HERC2: variants seen among roughly 807,000 people sequenced by gnomAD.
HERC2 encodes E3 ubiquitin-protein ligase HERC2.
In HERC2, 102 loss-of-function variants were observed where a neutral mutation model predicts 537.7. The observed-to-expected ratio is 0.19, with a 90% CI of 0.16 to 0.22. The LOEUF (loss-of-function observed/expected upper bound fraction) is 0.22, where lower values mean the gene tolerates loss of function less well. HERC2 is among the 10% of genes least tolerant of loss of function. HERC2 has a pLI of 1.00. For missense variants in HERC2, 4,236 were observed against 6,198.2 expected (o/e 0.68, Z 10.63); for synonymous variants, 2,224 against 2,466.2 (o/e 0.90, Z 2.91).
At chr15:28,161,717 GA>G (rs377493236) in intron 69 of HERC2, among the ~76,000 whole-genome samples, 28 of 152,272 alleles carry the variant, frequency 1.8e-4, no homozygotes, top group African/African-American at 6.3e-4. Flanking sequence ...CTCCGGTCCA[GA>G]ACATTTCCAC....
At chr15:28,257,352 C>T in intron 16 of HERC2, 91 bp from the exon 17 acceptor site, 1 of 1,040,260 alleles carries the variant, frequency 9.6e-7, no homozygotes, top group Non-Finnish European at 1.4e-6. Flanking sequence ...ATGGAGCTGC[C>T]TTATACTATT....
intron 2 of HERC2, among the ~76,000 whole-genome samples, chr15:28,319,056 C>T (rs1362588404): frequency 3.3e-5 from 5 of 151,356 alleles, no homozygotes; most frequent in African/African-American, 1.2e-4. Flanking sequence ...GAGCACAAGG[C>T]TTCCATCTGC....
intron 2 of HERC2, among the ~76,000 whole-genome samples, chr15:28,304,399 G>A (rs185221652): frequency 1.5e-5 from 2 of 135,554 alleles, no homozygotes; most frequent in Non-Finnish European, 3.1e-5. Flanking sequence ...ATGGAGTCTT[G>A]CTCTGTAGCC....
At chr15:28,298,064 ATAAAT>A (rs2076518187) in intron 3 of HERC2, among the ~76,000 whole-genome samples, 1 of 151,378 alleles carries the variant, frequency 6.6e-6, no homozygotes, top group African/African-American at 2.4e-5. Context: ...AATATAAAAA[ATAAAT>A]TAAAATAAAA....
chr15:28,183,404 G>T (rs1030895357), intron 56 of HERC2, among the ~76,000 whole-genome samples: 1 of 152,016 alleles, frequency 6.6e-6, no homozygotes, highest in Non-Finnish European at 1.5e-5. Flanking sequence ...GTAGAGACGG[G>T]GTCTCACTAT....
chr15:28,231,414 T>G (rs1901828675), intron 30 of HERC2, among the ~76,000 whole-genome samples: 1 of 152,106 alleles, frequency 6.6e-6, no homozygotes, highest in Non-Finnish European at 1.5e-5. Flanking sequence ...TGATGGGACT[T>G]GCGAGGGACC....
chr15:28,200,022 T>C (rs1363367641), intron 48 of HERC2, among the ~76,000 whole-genome samples: 2 of 152,110 alleles, frequency 1.3e-5, no homozygotes, highest in Non-Finnish European at 2.9e-5. Context: ...TATTAGGAGA[T>C]GGGGCCTCTA....
At position 28,209,979 on chromosome 15, in the gene HERC2, C is replaced by T. The variant is rs1168479558; in HGVS notation, c.7069+1023G>A. ...TTTTTTTTTTTTTGAGACAAAGTCTCACTCTGTCGCCCAGGCTGGAGTGCA... is the reference window on the plus strand; with the variant it reads ...TTTTTTTTTTTTTGAGACAAAGTCTTACTCTGTCGCCCAGGCTGGAGTGCA... On this transcript the variant is annotated intron_variant, in intron 44 of 92. Coordinates refer to ENST00000261609, the MANE Select transcript of HERC2 (RefSeq NM_004667.6). Among the ~76,000 whole-genome samples, 7 of 103,916 alleles carry T rather than the reference C, an allele frequency of 6.7e-5. No homozygotes were observed. The East Asian group carries it at 2.2e-3, about 32-fold the overall frequency. 68.2% of individuals were successfully genotyped at this position (103,916 alleles called of 152,430 possible). A position where few individuals can be genotyped will look rare whatever the true frequency, so the allele number is the denominator to read the frequency against.
rs1418156676 is a variant in HERC2 at position 28,225,566 on chromosome 15, C to T, written c.5464+2652G>A. 4.6e-5 allele frequency among the ~76,000 whole-genome samples: 7 copies of T among 151,688 alleles called. No individual in the cohort carries two copies. In the East Asian group the frequency reaches 1.2e-3, roughly 25 times the overall value. On this transcript the variant is annotated intron_variant, in intron 35 of 92. Transcript: ENST00000261609. ...CAAAAAAATTAGCTGGGCGTGGTGG[C>T]GCGTGCCTGTAGTCCCAGCTACTCG...
At position 28,268,387 on chromosome 15, in the gene HERC2, A is replaced by G. The variant is rs761839306; in HGVS notation, c.1598+78T>C. 7.2e-7 allele frequency: 1 copy of G among 1,388,478 alleles called. No homozygotes were observed. 86.0% of individuals were successfully genotyped at this position (1,388,478 alleles called of 1,614,324 possible). A position where few individuals can be genotyped will look rare whatever the true frequency, so the allele number is the denominator to read the frequency against. ...GGGCAATTGGAAAACACCTGGACAC[A>G]CTTCTGCGCTCCATCCTGTTTAGGA... On this transcript the variant is annotated intron_variant, in intron 12 of 92. Transcript: ENST00000261609. This position sits in a 1 kb window ranked among gnomAD's most constrained non-coding sequence, Gnocchi z 4.7.
rs140839645 is a variant in HERC2 at position 28,222,203 on chromosome 15, T to C, written c.5477A>G (p.Asp1826Gly). The change falls in exon 36 of 93, where the codon GAC becomes GGC. Residue 1826 changes from aspartate to glycine, a missense_variant. Coordinates refer to ENST00000261609, the MANE Select transcript of HERC2 (RefSeq NM_004667.6). Reference sequence around the variant, plus strand: ...AGCATTCATATCTTCCTCAACGTTGTCACAACTGGGGCCTGATGGAGCGTC... The same window carrying C: ...AGCATTCATATCTTCCTCAACGTTGCCACAACTGGGGCCTGATGGAGCGTC... The part of the protein sequence containing the change: ...TALRLIGPSC[D>G]NVEEDMNASA... 2.5e-6 allele frequency: 4 copies of C among 1,593,450 alleles called. No homozygotes were observed. In the East Asian group the frequency reaches 6.7e-5, roughly 27 times the overall value.
chr15:28,129,718 A>G (rs912175235), intron 83 of HERC2, among the ~76,000 whole-genome samples: 4 of 152,114 alleles, frequency 2.6e-5, no homozygotes, highest in African/African-American at 9.7e-5. Context: ...GCTGAAGATG[A>G]CAGGGCCAAA....
chr15:28,195,480 T>A (rs1278748637), intron 52 of HERC2, among the ~76,000 whole-genome samples: 1 of 152,052 alleles, frequency 6.6e-6, no homozygotes, highest in South Asian at 2.1e-4. Context: ...AAAAGTGATA[T>A]ATGCATACAG....
Position 28,113,407 on chromosome 15 carries a change from G to T in HERC2, c.14020-124C>A. 1 of 1,156,946 alleles carries T rather than the reference G, an allele frequency of 8.6e-7. No individual in the cohort carries two copies. The highest frequency in any genetic ancestry group is 1.3e-6 in the Non-Finnish European group (1 of 795,550). The allele number at this position is 1,156,946 out of a possible 1,614,324, so 71.7% of individuals were successfully genotyped here. On this transcript the variant is annotated intron_variant, in intron 91 of 92. Coordinates refer to ENST00000261609, the MANE Select transcript of HERC2 (RefSeq NM_004667.6). This position sits in a 1 kb window ranked among gnomAD's most constrained non-coding sequence, Gnocchi z 7.0. ...GTGGGGAAAGGTCTGGGGGCTCTGG[G>T]TGGGCCCACACACAGCCTCCTGCAG...
At chr15:28,316,809 G>A (rs1027004913) in intron 2 of HERC2, among the ~76,000 whole-genome samples, 2 of 151,912 alleles carry the variant, frequency 1.3e-5, no homozygotes, top group Non-Finnish European at 2.9e-5. Flanking sequence ...ACGGATTCTC[G>A]CTCTCTCACC....
intron 52 of HERC2, among the ~76,000 whole-genome samples, chr15:28,194,708 T>G (rs1362420101): frequency 6.6e-6 from 1 of 152,222 alleles, no homozygotes; most frequent in Non-Finnish European, 1.5e-5. Flanking sequence ...ACATTTTCTG[T>G]GTGCATAAAA....
chr15:28,218,637 A>T lies in HERC2; in HGVS notation c.5880T>A (p.Thr1960=). ...AEQTERNIHP[T]AMMFTSTINL... ...TAATAGTGCTGGTAAACATCATTGC[A>T]GTGGGGTGAATGTTCCTTTCAGTTT... Residue 1960 remains threonine, a synonymous_variant, in exon 38 of 93, where the codon ACT becomes ACA. Transcript: ENST00000261609. 1 of 1,587,404 alleles carries T rather than the reference A, an allele frequency of 6.3e-7. No homozygotes were observed. The highest frequency in any genetic ancestry group is 1.1e-5 in the South Asian group (1 of 90,914).
Position 28,144,811 on chromosome 15 carries a change from G to A in HERC2, c.11009-7C>T. ...CAGTCGGACCACTCTCGGCCTGCGG[G>A]AGGAAAGCGCACCCCGGGGTTAGCT... On this transcript the variant is annotated splice_region_variant and splice_polypyrimidine_tract_variant and intron_variant, in intron 71 of 92. Coordinates refer to ENST00000261609, the MANE Select transcript of HERC2 (RefSeq NM_004667.6). The A allele has an allele frequency of 1.2e-6, 2 of 1,614,116 alleles. No individual in the cohort carries two copies. The highest frequency in any genetic ancestry group is 1.7e-6 in the Non-Finnish European group (2 of 1,180,026).
chr15:28,222,708 C>T (rs1295203650), intron 35 of HERC2, among the ~76,000 whole-genome samples: 21 of 152,076 alleles, frequency 1.4e-4, no homozygotes, highest in Non-Finnish European at 2.6e-4. Context: ...CTCTCCCATT[C>T]CCTAGGTAGT....
Sources: gnomAD v4.1 joint callset for allele counts (sites outside exome capture counted in the v4.1 genomes callset) on GRCh38, gnomAD v4.1.1 for gene constraint, Gnocchi (gnomAD v3.1) non-coding constraint, MANE v1.5 for transcripts, NCBI Gene and HGNC (gene_info 2026-07-23, HGNC 2026-07-21) for gene names.